The following PIEZO2 variants were observed in gnomAD, a reference collection of about 807,000 sequenced individuals.
The protein encoded by PIEZO2 is piezo-type mechanosensitive ion channel component 2.
In PIEZO2, 172 loss-of-function variants were observed where a neutral mutation model predicts 337.3. The observed-to-expected ratio is 0.51, with a 90% CI of 0.45 to 0.58. The LOEUF is 0.58. Ranked by LOEUF, PIEZO2 falls within the 20% of genes least tolerant of loss-of-function variation. PIEZO2 has a pLI of 0.00. For synonymous variants in PIEZO2, 1,251 were observed against 1,228.5 expected, an observed-to-expected ratio of 1.02 and a Z score of -0.38; for missense variants, 3,028 against 3,391.3, an observed-to-expected ratio of 0.89 and a Z score of 2.66.
At chr18:10,692,492 T>TTC (rs887044196) in intron 47 of PIEZO2, among the ~76,000 whole-genome samples, 1 of 146,660 alleles carries the variant, frequency 6.8e-6, no homozygotes, top group Admixed American at 6.8e-5. Flanking sequence ...CCTTCTTTCT[T>TTC]TCTCTCTCTC....
chr18:11,040,111 A>AG lies in PIEZO2; in HGVS notation c.160+26015_160+26016insC, dbSNP rs2037065707. ...TTCTTGTTGGCTAAATACCATCTGA[A>AG]AAAAAAAAAAGGCTTCATATCAGCT... On this transcript the variant is annotated intron_variant, in intron 2 of 55. Coordinates refer to ENST00000674853, the MANE Select transcript of PIEZO2 (RefSeq NM_001378183.1). 1.4e-4 allele frequency among the ~76,000 whole-genome samples: 3 copies of AG among 22,070 alleles called. No individual in the cohort carries two copies. In the South Asian group the frequency reaches 3.6e-3, roughly 27 times the overall value. 14.5% of individuals were successfully genotyped at this position (22,070 alleles called of 152,430 possible).
At position 10,980,179 on chromosome 18, in the gene PIEZO2, T is replaced by C. The variant is rs1261399224; in HGVS notation, c.161-519A>G. On this transcript the variant is annotated intron_variant, in intron 2 of 55. Transcript: ENST00000674853. The surrounding 1 kb of genome is among the most constrained non-coding windows in gnomAD (Gnocchi z 4.8). ...AATGTGTTAACCAACTGAAATAGCA[T>C]AGAAAAAATATAATACATAGGTTAA... Among the ~76,000 whole-genome samples, 2 of 151,972 alleles carry C rather than the reference T, an allele frequency of 1.3e-5. No homozygotes were observed. The highest frequency in any genetic ancestry group is 2.9e-5 in the Non-Finnish European group (2 of 67,968).
At chr18:10,736,151 T>C (rs1324420313) in intron 34 of PIEZO2, among the ~76,000 whole-genome samples, 1 of 152,250 alleles carries the variant, frequency 6.6e-6, no homozygotes, top group Non-Finnish European at 1.5e-5. Context: ...GCAATACATA[T>C]GAAACGGTTT....
chr18:10,715,689 C>T lies in PIEZO2; in HGVS notation c.5217G>A (p.Leu1739=). The T allele has an allele frequency of 2.6e-6, 4 of 1,536,116 alleles. No individual in the cohort carries two copies. Among genetic ancestry groups the T allele is most frequent in the Non-Finnish European group, 3.5e-6 (4 of 1,146,534 alleles). ...SREHIDISTV[L]RIERCMLTRE... Reference sequence around the variant, plus strand: ...TGGTCAGCATGCATCGTTCAATTCTCAGAACTGTAGATATATCAATATGCT... The same window carrying T: ...TGGTCAGCATGCATCGTTCAATTCTTAGAACTGTAGATATATCAATATGCT... The change falls in exon 38 of 56, where the codon CTG becomes CTA. Residue 1739 remains leucine, a synonymous_variant. Transcript: ENST00000674853.
At chr18:10,926,617 G>A (rs2031755936) in intron 3 of PIEZO2, among the ~76,000 whole-genome samples, 1 of 152,110 alleles carries the variant, frequency 6.6e-6, no homozygotes, top group Non-Finnish European at 1.5e-5. Flanking sequence ...TTAGTACTCA[G>A]CTTTTAGGAA....
intron 4 of PIEZO2, among the ~76,000 whole-genome samples, chr18:10,871,890 T>A (rs927332595): frequency 2.0e-5 from 3 of 152,234 alleles, no homozygotes; most frequent in African/African-American, 7.2e-5. Context: ...GATTTTGTCT[T>A]CTGTATTGTT....
intron 36 of PIEZO2, among the ~76,000 whole-genome samples, chr18:10,723,658 G>T (rs1363199139): frequency 2.0e-5 from 3 of 152,118 alleles, no homozygotes; most frequent in African/African-American, 7.2e-5. Flanking sequence ...AAGGGAGCTC[G>T]GCAGCTGGAG....
chr18:10,980,211 T>C lies in PIEZO2; in HGVS notation c.161-551A>G, dbSNP rs1266823283. ...AATATAATACATAGGTTAAGGTTTA[T>C]TATAGAAAAACCCTAAAAGTATAGT... On this transcript the variant is annotated intron_variant, in intron 2 of 55. Transcript: ENST00000674853. The surrounding 1 kb of genome is among the most constrained non-coding windows in gnomAD (Gnocchi z 4.8). Among the ~76,000 whole-genome samples the C allele has an allele frequency of 6.6e-6, 1 of 152,204 alleles. No homozygotes were observed. The highest frequency in any genetic ancestry group is 2.4e-5 in the African/African-American group (1 of 41,460).
intron 7 of PIEZO2, among the ~76,000 whole-genome samples, chr18:10,827,751 C>T (rs1215395172): frequency 6.6e-6 from 1 of 152,214 alleles, no homozygotes; most frequent in Non-Finnish European, 1.5e-5. Flanking sequence ...GCAACTACAA[C>T]CTTGGACAAG....
At chr18:10,924,993 G>A (rs1465169524) in intron 3 of PIEZO2, among the ~76,000 whole-genome samples, 1 of 152,124 alleles carries the variant, frequency 6.6e-6, no homozygotes, top group African/African-American at 2.4e-5. Flanking sequence ...ACTTACAATA[G>A]CAGCTTATTT....
At chr18:11,137,079 C>T (rs1272007154) in intron 1 of PIEZO2, among the ~76,000 whole-genome samples, 1 of 152,192 alleles carries the variant, frequency 6.6e-6, no homozygotes, top group Non-Finnish European at 1.5e-5. Context: ...CTTGTTCATG[C>T]TATTCCCATC....
Position 10,963,283 on chromosome 18 carries a change from C to CA in PIEZO2, c.286+16251dup, listed in dbSNP as rs1249095060. Among the ~76,000 whole-genome samples, 638 of 135,756 alleles carry CA rather than the reference C, an allele frequency of 4.7e-3. 2 individuals carry two copies. The highest frequency in any genetic ancestry group is 0.013 in the African/African-American group (475 of 36,910). The allele number at this position is 135,756 out of a possible 152,430, so 89.1% of individuals were successfully genotyped here. On this transcript the variant is annotated intron_variant, in intron 3 of 55. Coordinates refer to ENST00000674853, the MANE Select transcript of PIEZO2 (RefSeq NM_001378183.1). ...CAGAGGACATGGTGAGATGTTGTCT[C>CA]AAAAAAAAAAAAGAAAGAAATATTC...
chr18:11,140,711 C>T (rs1321724560), intron 1 of PIEZO2, among the ~76,000 whole-genome samples: 1 of 152,176 alleles, frequency 6.6e-6, no homozygotes, highest in Non-Finnish European at 1.5e-5. Flanking sequence ...TTATTGCATG[C>T]TAATATCCAC....
At chr18:10,689,106 T>C (rs1237694200) in intron 49 of PIEZO2, among the ~76,000 whole-genome samples, 1 of 152,186 alleles carries the variant, frequency 6.6e-6, no homozygotes, top group East Asian at 1.9e-4. Context: ...GTTTTTTGGG[T>C]ATTCCTATTG....
At chr18:10,809,679 T>C (rs1178300333) in intron 7 of PIEZO2, among the ~76,000 whole-genome samples, 1 of 152,164 alleles carries the variant, frequency 6.6e-6, no homozygotes, top group Non-Finnish European at 1.5e-5. Context: ...ACTGCAATTC[T>C]AGGATACTAC....
Position 10,682,489 on chromosome 18 carries a change from T to C in PIEZO2, c.7498-197A>G, listed in dbSNP as rs11660364. Among the ~76,000 whole-genome samples, 26,660 of 152,180 alleles carry C rather than the reference T, an allele frequency of 0.18. 3,038 individuals are homozygous for C. The highest frequency in any genetic ancestry group is 0.26 in the Non-Finnish European group (17,876 of 67,962). ...ATGAAGTTAGGTAGTGATGTGAAGCTGTCCTGAGGTCGCTCCAGTACCCCC... is the reference window on the plus strand; with the variant it reads ...ATGAAGTTAGGTAGTGATGTGAAGCCGTCCTGAGGTCGCTCCAGTACCCCC... On this transcript the variant is annotated intron_variant, in intron 49 of 55. Transcript: ENST00000674853. The surrounding 1 kb of genome is among the most constrained non-coding windows in gnomAD (Gnocchi z 5.6).
Position 10,807,284 on chromosome 18 carries a change from A to C in PIEZO2, c.918-10T>G. 2 of 1,530,658 alleles carry C rather than the reference A, an allele frequency of 1.3e-6. No individual in the cohort carries two copies. The highest frequency in any genetic ancestry group is 1.8e-6 in the Non-Finnish European group (2 of 1,142,284). 94.8% of individuals were successfully genotyped at this position (1,530,658 alleles called of 1,614,324 possible). ...CTTGATACCAAACAACCTGTTAAAA[A>C]ACAAAGAAAAATGCTTAAAAGATGC... On this transcript the variant is annotated splice_polypyrimidine_tract_variant and intron_variant, in intron 7 of 55. Coordinates refer to ENST00000674853, the MANE Select transcript of PIEZO2 (RefSeq NM_001378183.1).
At chr18:10,687,816 ATG>A (rs2034615889) in intron 49 of PIEZO2, among the ~76,000 whole-genome samples, 2 of 152,302 alleles carry the variant, frequency 1.3e-5, no homozygotes, top group Middle Eastern at 3.4e-3. Context: ...TAAGAGCCAG[ATG>A]CAACCTGCAG....
At chr18:10,785,009 C>A in intron 16 of PIEZO2, 52 bp from the exon 17 acceptor site, 38 of 1,486,660 alleles carry the variant, frequency 2.6e-5, no homozygotes, top group Non-Finnish European at 3.3e-5. Context: ...GCAATGAAGT[C>A]ACAAACTCTT....
Sources: gnomAD v4.1 joint callset for allele counts (sites outside exome capture counted in the v4.1 genomes callset) on GRCh38, gnomAD v4.1.1 for gene constraint, Gnocchi (gnomAD v3.1) non-coding constraint, MANE v1.5 for transcripts, NCBI Gene and HGNC (gene_info 2026-07-23, HGNC 2026-07-21) for gene names.